Variants in ARHGAP32 observed in about 807,000 individuals in gnomAD.
ARHGAP32 encodes the protein Rho GTPase activating protein 32.
ARHGAP32 carries 51 observed loss-of-function variants against 186.5 expected under a neutral mutation model. That is an observed-to-expected ratio of 0.27 (90% CI 0.22 to 0.35). The LOEUF (loss-of-function observed/expected upper bound fraction) is 0.35. Among genes scored for constraint, ARHGAP32 ranks in the 10% least tolerant of loss-of-function variants. The pLI, the probability that ARHGAP32 is intolerant of heterozygous loss-of-function variation, is 1.00. For synonymous variants in ARHGAP32, 950 were observed against 964.3 expected (o/e 0.99, Z 0.27); for missense variants, 2,186 against 2,623.5 (o/e 0.83, Z 3.64).
intron 16 of ARHGAP32, 40 bp downstream of exon 16, chr11:128,981,789 G>T (rs1362089855): frequency 1.4e-6 from 2 of 1,403,506 alleles, no homozygotes; most frequent in Non-Finnish European, 1.0e-6. Context: ...TTTTATTTAG[G>T]ATTAGTTCTA....
intron 10 of ARHGAP32, among the ~76,000 whole-genome samples, chr11:129,056,533 A>G (rs1249650354): frequency 6.6e-6 from 1 of 152,142 alleles, no homozygotes; most frequent in Non-Finnish European, 1.5e-5. Flanking sequence ...AGGTATGAGG[A>G]ACCACATCCA....
At chr11:129,206,822 G>A (rs949119420) in intron 1 of ARHGAP32, among the ~76,000 whole-genome samples, 1 of 151,522 alleles carries the variant, frequency 6.6e-6, no homozygotes, top group African/African-American at 2.4e-5. Flanking sequence ...TGTTACATAG[G>A]TATACATGTG....
At chr11:128,984,046 T>A (rs914420775) in intron 15 of ARHGAP32, among the ~76,000 whole-genome samples, 7 of 152,096 alleles carry the variant, frequency 4.6e-5, no homozygotes, top group Non-Finnish European at 8.8e-5. Context: ...CTAGATACCA[T>A]GTAAAAGGAT....
intron 10 of ARHGAP32, among the ~76,000 whole-genome samples, chr11:129,054,153 G>T (rs567093842): frequency 3.9e-5 from 6 of 152,008 alleles, no homozygotes; most frequent in African/African-American, 1.2e-4. Context: ...TATGAAAAAC[G>T]AAATAGGTGA....
intron 11 of ARHGAP32, among the ~76,000 whole-genome samples, chr11:129,020,160 T>G (rs1270403270): frequency 6.6e-6 from 1 of 151,948 alleles, no homozygotes; most frequent in Non-Finnish European, 1.5e-5. Context: ...AAAAAAGACA[T>G]CATTTAAAAC....
At chr11:129,178,837 A>T (rs1456174128) in intron 1 of ARHGAP32, among the ~76,000 whole-genome samples, 1 of 151,186 alleles carries the variant, frequency 6.6e-6, no homozygotes, top group Non-Finnish European at 1.5e-5. Context: ...AACCATAAAA[A>T]CCCTAGAAGA....
At chr11:129,073,810 TAAAG>T (rs1940947808) in intron 6 of ARHGAP32, among the ~76,000 whole-genome samples, 1 of 149,806 alleles carries the variant, frequency 6.7e-6, no homozygotes, top group African/African-American at 2.4e-5. Context: ...AAATCCAAGA[TAAAG>T]AAAATATCTT....
chr11:129,279,592 G>A (rs900833985), upstream of ARHGAP32, among the ~76,000 whole-genome samples: 1 of 145,842 alleles, frequency 6.9e-6, no homozygotes, highest in African/African-American at 2.5e-5. Flanking sequence ...CCTCCGCTCC[G>A]CCTCCTCCTG....
At chr11:129,004,058 G>A (rs1591522910) in intron 11 of ARHGAP32, among the ~76,000 whole-genome samples, 1 of 151,756 alleles carries the variant, frequency 6.6e-6, no homozygotes, top group East Asian at 1.9e-4. Context: ...TTGGTATGTT[G>A]TTTCTGTAAT....
At chr11:129,221,007 C>T (rs1423687482) in intron 1 of ARHGAP32, among the ~76,000 whole-genome samples, 2 of 151,908 alleles carry the variant, frequency 1.3e-5, no homozygotes, top group African/African-American at 4.8e-5. Context: ...TAAAAGCTCC[C>T]TTGGTGATTC....
chr11:129,011,699 C>T (rs1938094000), intron 11 of ARHGAP32, among the ~76,000 whole-genome samples: 1 of 152,034 alleles, frequency 6.6e-6, no homozygotes, highest in African/African-American at 2.4e-5. Flanking sequence ...CCCAAAAGAG[C>T]ATTAATAGGG....
At chr11:129,042,990 G>A (rs940999420) in intron 10 of ARHGAP32, among the ~76,000 whole-genome samples, 1 of 152,188 alleles carries the variant, frequency 6.6e-6, no homozygotes, top group East Asian at 1.9e-4. Flanking sequence ...ACAAAGTGGT[G>A]TGTTTCAATG....
intron 11 of ARHGAP32, among the ~76,000 whole-genome samples, chr11:129,019,647 CTTTAG>C (rs1200062926): frequency 1.3e-5 from 2 of 151,936 alleles, no homozygotes; most frequent in African/African-American, 4.8e-5. Flanking sequence ...AATTCATTTT[CTTTAG>C]TTTATTCGGT....
chr11:129,220,538 G>A (rs1944699334), intron 1 of ARHGAP32, among the ~76,000 whole-genome samples: 1 of 152,124 alleles, frequency 6.6e-6, no homozygotes, highest in Admixed American at 6.5e-5. Context: ...TACTTGCCAT[G>A]GTCAAGTTTT....
chr11:128,988,083 T>C lies in ARHGAP32; in HGVS notation c.1238A>G (p.Tyr413Cys). Reference sequence around the variant, plus strand: ...GCGATAGATTCCATCCACGATGCCATATCTCTCAATGAATGCTGTGCAGCT... The same window carrying C: ...GCGATAGATTCCATCCACGATGCCACATCTCTCAATGAATGCTGTGCAGCT... ...LQSCTAFIER[Y>C]GIVDGIYRLS... The change falls in exon 13 of 23, where the codon TAT becomes TGT. Residue 413 changes from tyrosine to cysteine, a missense_variant. Physicochemically the swap from Tyr to Cys is radical, Grantham distance 194. Around this residue, in one of 5 missense-constraint regions of ARHGAP32, gnomAD observed 308 missense variants for 596.5 expected, o/e 0.52. Coordinates refer to ENST00000682385, the MANE Select transcript of ARHGAP32 (RefSeq NM_001378024.1). 2 of 1,613,560 alleles carry C rather than the reference T, an allele frequency of 1.2e-6. No individual in the cohort carries two copies. The highest frequency in any genetic ancestry group is 1.7e-6 in the Non-Finnish European group (2 of 1,179,624).
At chr11:129,275,877 T>C (rs1373344755) in intron 1 of ARHGAP32, among the ~76,000 whole-genome samples, 1 of 152,264 alleles carries the variant, frequency 6.6e-6, no homozygotes, top group East Asian at 1.9e-4. Flanking sequence ...AGTTTGCCCA[T>C]CCCTTCCCTA....
chr11:129,201,633 TAAACAGCCACTAA>T, intron 1 of ARHGAP32, among the ~76,000 whole-genome samples: 1 of 152,190 alleles, frequency 6.6e-6, no homozygotes, highest in South Asian at 2.1e-4. Context: ...CTAGTAAAAG[TAAACAGCCACTAA>T]AATACAACAT....
Position 128,979,057 on chromosome 11 carries a change from A to T in ARHGAP32, c.1977-142T>A, listed in dbSNP as rs984475116. 28 of 682,730 alleles carry T rather than the reference A, an allele frequency of 4.1e-5. 1 individual carries two copies. The South Asian group carries it at 5.7e-4, about 14-fold the overall frequency. 42.3% of individuals were successfully genotyped at this position (682,730 alleles called of 1,614,324 possible). A position where few individuals can be genotyped will look rare whatever the true frequency, so the allele number is the denominator to read the frequency against. ...CAGTAAGCAAACATCCACCTTCCAG[A>T]CAGCACACTCTACACAGTGCAGCCA... On this transcript the variant is annotated intron_variant, in intron 18 of 22. Coordinates refer to ENST00000682385, the MANE Select transcript of ARHGAP32 (RefSeq NM_001378024.1).
chr11:129,072,574 G>A (rs139944339), intron 6 of ARHGAP32, among the ~76,000 whole-genome samples: 207 of 152,238 alleles, frequency 1.4e-3, no homozygotes, highest in African/African-American at 4.7e-3. Flanking sequence ...GAGGCAGACA[G>A]GTAAATACAG....
Sources: allele counts gnomAD v4.1 joint callset (sites outside exome capture counted in the v4.1 genomes callset), GRCh38; gene constraint gnomAD v4.1.1; regional missense constraint gnomAD v4.1.1; transcripts MANE v1.5; gene names NCBI Gene and HGNC (gene_info 2026-07-23, HGNC 2026-07-21).